Variants in HFM1 observed in about 807,000 individuals in gnomAD.
HFM1 encodes the protein helicase for meiosis 1.
A neutral mutation model predicts 192.1 loss-of-function variants in HFM1; 169 were observed. That is an observed-to-expected ratio of 0.88 (90% CI 0.78 to 1.00). The LOEUF (loss-of-function observed/expected upper bound fraction) is 1.00. Ranked by LOEUF, HFM1 falls within the 50% of genes least tolerant of loss-of-function variation. The pLI is 0.00. For missense variants in HFM1, 1,661 were observed against 1,668.0 expected (o/e 1.00, Z 0.07); for synonymous variants, 525 against 537.8 (o/e 0.98, Z 0.33).
intron 13 of HFM1, among the ~76,000 whole-genome samples, chr1:91,362,196 C>A (rs1308347608): frequency 6.6e-6 from 1 of 152,054 alleles, no homozygotes; most frequent in African/African-American, 2.4e-5. Flanking sequence ...CTGGCAAGGG[C>A]AATCAGGAAA....
At chr1:91,313,931 T>C (rs770072465) in intron 29 of HFM1, 26 bp downstream of exon 29, 2 of 1,204,444 alleles carry the variant, frequency 1.7e-6, no homozygotes, top group African/African-American at 1.5e-5. Context: ...TTTATATTCA[T>C]GTCTTCATTA....
At chr1:91,398,412 G>A (rs778445526) in intron 2 of HFM1, among the ~76,000 whole-genome samples, 12 of 152,120 alleles carry the variant, frequency 7.9e-5, no homozygotes, top group African/African-American at 1.7e-4. Context: ...GTGTTTCCAC[G>A]GTCATTATCA....
chr1:91,352,425 T>C (rs1376123308), intron 16 of HFM1, 81 bp downstream of exon 16: 3 of 1,044,874 alleles, frequency 2.9e-6, no homozygotes, highest in East Asian at 5.1e-5. Flanking sequence ...GATACAATTA[T>C]GACATGCTAA....
In HFM1 at chr1:91,350,838, T is replaced by C; in HGVS notation, c.2106A>G (p.Ala702=). 1 of 1,590,848 alleles carries C rather than the reference T, an allele frequency of 6.3e-7. No homozygotes were observed. Residue 702 remains alanine, a synonymous_variant, in exon 18 of 39, where the codon GCA becomes GCG. Coordinates refer to ENST00000370425, the MANE Select transcript of HFM1 (RefSeq NM_001017975.6). ...CCGTGATGGTATGCAGTACTATCTCTGCATTTAAATGTTCAATAAGATGTC... is the reference window on the plus strand; with the variant it reads ...CCGTGATGGTATGCAGTACTATCTCCGCATTTAAATGTTCAATAAGATGTC... ...LHRHLIEHLN[A]EIVLHTITDV...
At position 91,313,364 on chromosome 1, in the gene HFM1, C is replaced by A. The variant is rs147501546; in HGVS notation, c.3376G>T (p.Ala1126Ser). The A allele has an allele frequency of 3.2e-6, 5 of 1,571,776 alleles. No homozygotes were observed. Among genetic ancestry groups the A allele is most frequent in the Non-Finnish European group, 4.3e-6 (5 of 1,151,232 alleles). Reference protein sequence around the residue: ...HSKHSDISTIAGPNKGTTASK... With the variant: ...HSKHSDISTISGPNKGTTASK... Reference sequence around the variant, plus strand: ...AGCTATTTACCTTTATTAGGTCCTGCTATTGTAGATATGTCTGAATGTTTA... The same window carrying A: ...AGCTATTTACCTTTATTAGGTCCTGATATTGTAGATATGTCTGAATGTTTA... Residue 1126 changes from alanine (A) to serine (S), a missense_variant, in exon 30 of 39, where the codon GCA becomes TCA. By Grantham distance (99) the Ala-to-Ser change is moderately conservative. Coordinates refer to ENST00000370425, the MANE Select transcript of HFM1 (RefSeq NM_001017975.6).
At chr1:91,400,552 G>T (rs770683883) in intron 2 of HFM1, among the ~76,000 whole-genome samples, 1 of 150,888 alleles carries the variant, frequency 6.6e-6, no homozygotes, top group Non-Finnish European at 1.5e-5. Flanking sequence ...CGCCACCTTA[G>T]CTCACTGCAA....
intron 13 of HFM1, among the ~76,000 whole-genome samples, chr1:91,358,435 C>T (rs1410886914): frequency 1.3e-5 from 2 of 151,982 alleles, no homozygotes; most frequent in Non-Finnish European, 2.9e-5. Flanking sequence ...CAATATAGTA[C>T]TTGCATAAAA....
At chr1:91,399,411 G>C (rs1033257903) in intron 2 of HFM1, among the ~76,000 whole-genome samples, 1 of 152,088 alleles carries the variant, frequency 6.6e-6, no homozygotes, top group African/African-American at 2.4e-5. Context: ...GCAGTACTTA[G>C]CAAAGTCCTT....
At chr1:91,310,779 C>T (rs1304007478) in intron 30 of HFM1, among the ~76,000 whole-genome samples, 2 of 152,178 alleles carry the variant, frequency 1.3e-5, no homozygotes, top group Admixed American at 1.3e-4. Flanking sequence ...GTAAGAAGTG[C>T]CTTTTAACTC....
intron 25 of HFM1, among the ~76,000 whole-genome samples, chr1:91,316,989 A>G (rs1651327631): frequency 6.6e-6 from 1 of 152,216 alleles, no homozygotes; most frequent in Non-Finnish European, 1.5e-5. Flanking sequence ...ATGAAGTGGC[A>G]ATTTCCTTAC....
intron 30 of HFM1, among the ~76,000 whole-genome samples, chr1:91,311,985 A>G (rs1005456527): frequency 6.6e-6 from 1 of 152,178 alleles, no homozygotes; most frequent in African/African-American, 2.4e-5. Context: ...TGGAAGCCCC[A>G]AGCCTTGGCA....
At chr1:91,284,747 AAT>A (rs1217884922) in intron 30 of HFM1, among the ~76,000 whole-genome samples, 9 of 152,218 alleles carry the variant, frequency 5.9e-5, no homozygotes, top group Non-Finnish European at 1.0e-4. Context: ...ACAACTTAAA[AAT>A]ATGTCTCACA....
At chr1:91,261,397 T>C in intron 38 of HFM1, 38 bp from the exon 39 acceptor site, 1 of 923,844 alleles carries the variant, frequency 1.1e-6, no homozygotes. Context: ...AACTATTTTT[T>C]AACACAATTT....
chr1:91,324,318 C>T (rs1196768876), intron 21 of HFM1, among the ~76,000 whole-genome samples: 1 of 152,152 alleles, frequency 6.6e-6, no homozygotes, highest in African/African-American at 2.4e-5. Context: ...GGTAGACTTT[C>T]CTAATATATC....
chr1:91,368,185 C>A lies in HFM1; in HGVS notation c.1685+7173G>T, dbSNP rs960815122. On this transcript the variant is annotated intron_variant, in intron 13 of 38. Coordinates refer to ENST00000370425, the MANE Select transcript of HFM1 (RefSeq NM_001017975.6). ...TGGAAAACTCTCTGCAGGATATTAT[C>A]CAGGAGAACTTCTCCAATCTAGCAA... 5.3e-5 allele frequency among the ~76,000 whole-genome samples: 8 copies of A among 152,136 alleles called. No homozygotes were observed. The East Asian group carries it at 1.5e-3, about 29-fold the overall frequency.
intron 20 of HFM1, among the ~76,000 whole-genome samples, chr1:91,339,188 C>T (rs1655006125): frequency 6.6e-6 from 1 of 151,484 alleles, no homozygotes; most frequent in Non-Finnish European, 1.5e-5. Context: ...TCTGTCTGGG[C>T]TGATGTTCTT....
intron 4 of HFM1, among the ~76,000 whole-genome samples, 199 bp downstream of exon 4, chr1:91,393,894 T>C (rs1393075689): frequency 2.0e-5 from 3 of 152,070 alleles, no homozygotes; most frequent in East Asian, 1.9e-4. Flanking sequence ...TTATAGTAGA[T>C]AGTTATATAT....
rs183379026 is a variant in HFM1, at chr1:91,355,484, T to C, written c.1686-2185A>G. On this transcript the variant is annotated intron_variant, in intron 13 of 38. Transcript: ENST00000370425. ...CATGCTGCCTACCAGAGATCCATCT[T>C]AGCTATAAGGACACCGGCTGAAAGT... Among the ~76,000 whole-genome samples, 677 of 150,960 alleles carry C rather than the reference T, an allele frequency of 4.5e-3. 4 individuals carry two copies. The highest frequency in any genetic ancestry group is 0.013 in the South Asian group (63 of 4,798).
chr1:91,404,857 G>A (rs1325172680), upstream of HFM1: 3 of 455,204 alleles, frequency 6.6e-6, no homozygotes, highest in Non-Finnish European at 1.3e-5. Context: ...TCTGAGGACC[G>A]CCAAGCCTGG....
Sources: gnomAD v4.1 joint callset for allele counts (sites outside exome capture counted in the v4.1 genomes callset) on GRCh38, gnomAD v4.1.1 for gene constraint, MANE v1.5 for transcripts, NCBI Gene and HGNC (gene_info 2026-07-23, HGNC 2026-07-21) for gene names.